The following NOVA1 variants were observed in gnomAD, a reference collection of about 807,000 sequenced individuals.
NOVA1 encodes RNA-binding protein Nova-1.
NOVA1 carries 7 observed loss-of-function variants against 38.0 expected under a neutral mutation model. The ratio of observed to expected loss-of-function variants is 0.18; its 90% CI spans 0.10 to 0.35. The LOEUF is 0.35. NOVA1 is among the 10% of genes least tolerant of loss of function. The pLI, the probability that NOVA1 is intolerant of heterozygous loss-of-function variation, is 1.00. For missense variants in NOVA1, 460 were observed against 616.0 expected, an observed-to-expected ratio of 0.75 and a Z score of 2.68; for synonymous variants, 270 against 232.5, an observed-to-expected ratio of 1.16 and a Z score of -1.47.
intron 2 of NOVA1, among the ~76,000 whole-genome samples, chr14:26,480,349 G>A (rs1193265543): frequency 6.6e-6 from 1 of 152,076 alleles, no homozygotes; most frequent in Non-Finnish European, 1.5e-5. Context: ...CTCAAAAAGG[G>A]CATTTGGATT....
intron 2 of NOVA1, among the ~76,000 whole-genome samples, chr14:26,508,170 G>C (rs986408071): frequency 3.3e-5 from 5 of 152,048 alleles, no homozygotes; most frequent in Admixed American, 6.6e-5. Flanking sequence ...GATTGCAAGA[G>C]ATAAGGTTAT....
chr14:26,532,068 T>A (rs567065411), intron 2 of NOVA1, among the ~76,000 whole-genome samples: 1 of 152,148 alleles, frequency 6.6e-6, no homozygotes, highest in South Asian at 2.1e-4. Context: ...ATGGTAAGGA[T>A]CTGGACTAAT....
intron 4 of NOVA1, among the ~76,000 whole-genome samples, chr14:26,455,559 G>T (rs991638760): frequency 3.3e-5 from 5 of 151,894 alleles, no homozygotes; most frequent in South Asian, 4.1e-4. Flanking sequence ...GAATTACCCA[G>T]ACAATTTTCT....
chr14:26,495,465 CT>C (rs1182913569), intron 2 of NOVA1, among the ~76,000 whole-genome samples: 1 of 152,074 alleles, frequency 6.6e-6, no homozygotes, highest in Non-Finnish European at 1.5e-5. Context: ...AAACTATGAC[CT>C]TGGATGAGCC....
chr14:26,526,255 G>T (rs1361346980), intron 2 of NOVA1, among the ~76,000 whole-genome samples: 2 of 152,006 alleles, frequency 1.3e-5, no homozygotes, highest in African/African-American at 4.8e-5. Flanking sequence ...TCTGCAAACT[G>T]GTGTAATTTA....
intron 2 of NOVA1, among the ~76,000 whole-genome samples, chr14:26,564,290 T>C (rs1359232115): frequency 3.3e-5 from 5 of 152,198 alleles, no homozygotes; most frequent in South Asian, 2.1e-4. Flanking sequence ...AACAGCATAA[T>C]AGCACTTACA....
chr14:26,545,069 T>C (rs1217168175), intron 2 of NOVA1, among the ~76,000 whole-genome samples: 1 of 152,108 alleles, frequency 6.6e-6, no homozygotes, highest in Non-Finnish European at 1.5e-5. Context: ...AGGGAACACA[T>C]CTACTTATAA....
At chr14:26,499,006 TATAGAG>T (rs1326187297) in intron 2 of NOVA1, among the ~76,000 whole-genome samples, 3 of 152,098 alleles carry the variant, frequency 2.0e-5, no homozygotes, top group Admixed American at 2.0e-4. Flanking sequence ...AGGTCAAATA[TATAGAG>T]ATAGAGAATA....
rs183818176 is a variant in NOVA1, at chr14:26,536,529, T to A, written c.281-56386A>T. ...AAAAATGTTAAAAAATTAAAAAAAATTTAAAAAGATATAGCTGGCATAACT... is the reference window on the plus strand; with the variant it reads ...AAAAATGTTAAAAAATTAAAAAAAAATTAAAAAGATATAGCTGGCATAACT... On this transcript the variant is annotated intron_variant, in intron 2 of 4. Transcript: ENST00000539517. Among the ~76,000 whole-genome samples, 21 of 151,152 alleles carry A rather than the reference T, an allele frequency of 1.4e-4. No homozygotes were observed. The East Asian group carries it at 2.0e-3, about 14-fold the overall frequency.
At position 26,447,873 on chromosome 14, in the gene NOVA1, A is replaced by G; in HGVS notation, c.*86T>C. 1.0e-6 allele frequency: 1 copy of G among 990,796 alleles called. No homozygotes were observed. Among genetic ancestry groups the G allele is most frequent in the Non-Finnish European group, 1.5e-6 (1 of 653,710 alleles). 61.4% of individuals were successfully genotyped at this position (990,796 alleles called of 1,614,324 possible). A position where few individuals can be genotyped will look rare whatever the true frequency, so the allele number is the denominator to read the frequency against. On this transcript the variant is annotated 3_prime_UTR_variant, in exon 5 of 5. Transcript: ENST00000539517. ...CATAATTATATATTAATAACAGAAA[A>G]ACTTCACTTCTGCAAAGTACAGTAC...
chr14:26,549,268 A>T (rs1248386745), intron 2 of NOVA1: 1 of 151,852 alleles, frequency 6.6e-6, no homozygotes, highest in Non-Finnish European at 1.5e-5. Context: ...AAAAGAAAGT[A>T]TTAAAACCAA....
intron 4 of NOVA1, among the ~76,000 whole-genome samples, chr14:26,459,623 G>A (rs1883487471): frequency 6.6e-6 from 1 of 151,982 alleles, no homozygotes; most frequent in African/African-American, 2.4e-5. Context: ...CAAAATCATA[G>A]TTTTAAATGA....
chr14:26,576,770 G>A (rs1228391332), intron 2 of NOVA1, among the ~76,000 whole-genome samples: 1 of 151,470 alleles, frequency 6.6e-6, no homozygotes, highest in African/African-American at 2.4e-5. Context: ...TATACTTAAG[G>A]TGTAAAACAT....
intron 2 of NOVA1, among the ~76,000 whole-genome samples, chr14:26,541,772 A>T (rs1025916204): frequency 1.3e-5 from 2 of 151,798 alleles, no homozygotes; most frequent in African/African-American, 4.8e-5. Context: ...GAGCAGGGAA[A>T]ATCACAGGGA....
chr14:26,589,403 G>A (rs1490653445), intron 2 of NOVA1, among the ~76,000 whole-genome samples: 2 of 151,586 alleles, frequency 1.3e-5, no homozygotes, highest in African/African-American at 4.8e-5. Flanking sequence ...AATTTTTTGA[G>A]ATTTTGACTA....
chr14:26,597,640 G>C lies in NOVA1; in HGVS notation c.-204C>G. The C allele has an allele frequency of 8.2e-7, 1 of 1,213,722 alleles. No homozygotes were observed. The highest frequency in any genetic ancestry group is 1.0e-6 in the Non-Finnish European group (1 of 978,794). 75.2% of individuals were successfully genotyped at this position (1,213,722 alleles called of 1,614,324 possible). The stretch of plus-strand genomic sequence containing the variant: ...CTCACTGGGGAGGGGGCAGGGCTGA[G>C]GAGCAGCTGCAGTGCAGTGTCAGAA... On this transcript the variant is annotated 5_prime_UTR_variant, in exon 1 of 5. Coordinates refer to ENST00000539517, the MANE Select transcript of NOVA1 (RefSeq NM_002515.3).
intron 2 of NOVA1, among the ~76,000 whole-genome samples, chr14:26,501,235 G>A (rs947494817): frequency 2.6e-5 from 4 of 151,904 alleles, no homozygotes; most frequent in African/African-American, 9.7e-5. Context: ...TTAAGGTTAG[G>A]CAGGATCCTT....
At chr14:26,478,327 G>A (rs374665323) in intron 3 of NOVA1, among the ~76,000 whole-genome samples, 55 of 151,540 alleles carry the variant, frequency 3.6e-4, no homozygotes, top group Middle Eastern at 6.9e-3. Flanking sequence ...TCATATCACC[G>A]TCCTGAACAT....
Position 26,597,657 on chromosome 14 carries a change from G to GCGCTTC in NOVA1, c.-222_-221insGAAGCG. The GCGCTTC allele has an allele frequency of 8.3e-7, 1 of 1,204,918 alleles. No homozygotes were observed. Among genetic ancestry groups the GCGCTTC allele is most frequent in the Non-Finnish European group, 1.0e-6 (1 of 973,356 alleles). The allele number at this position is 1,204,918 out of a possible 1,614,324, so 74.6% of individuals were successfully genotyped here. Reference sequence around the variant, plus strand: ...AGGGCTGAGGAGCAGCTGCAGTGCAGTGTCAGAAAGGAGACAGGGGAATGG... The same window carrying GCGCTTC: ...AGGGCTGAGGAGCAGCTGCAGTGCAGCGCTTCTGTCAGAAAGGAGACAGGGGAATGG... On this transcript the variant is annotated 5_prime_UTR_variant, in exon 1 of 5. Transcript: ENST00000539517.
Sources: gnomAD v4.1 joint callset for allele counts (sites outside exome capture counted in the v4.1 genomes callset) on GRCh38, gnomAD v4.1.1 for gene constraint, MANE v1.5 for transcripts, NCBI Gene and HGNC (gene_info 2026-07-23, HGNC 2026-07-21) for gene names.